ABL2: variants seen among roughly 807,000 people sequenced by gnomAD.
ABL2 encodes ABL proto-oncogene 2, non-receptor tyrosine kinase.
A neutral mutation model predicts 107.7 loss-of-function variants in ABL2; 49 were observed. The observed-to-expected ratio is 0.45, with a 90% CI of 0.36 to 0.58. The LOEUF (loss-of-function observed/expected upper bound fraction) is 0.58, where lower values mean the gene tolerates loss of function less well. Among genes scored for constraint, ABL2 ranks in the 20% least tolerant of loss-of-function variants. The pLI is 0.00. For synonymous variants in ABL2, 549 were observed against 548.6 expected (o/e 1.00, Z -0.01); for missense variants, 1,245 against 1,457.0 (o/e 0.85, Z 2.37).
chr1:179,172,263 T>TA (rs1659765376), intron 1 of ABL2, among the ~76,000 whole-genome samples: 1 of 152,228 alleles, frequency 6.6e-6, no homozygotes, highest in Non-Finnish European at 1.5e-5. Context: ...CACCCTCCTT[T>TA]ACTGATCTCT....
Position 179,114,897 on chromosome 1 carries a change from A to G in ABL2, c.1542T>C (p.Val514=), listed in dbSNP as rs1654471703. 6.2e-7 allele frequency: 1 copy of G among 1,605,768 alleles called. No individual in the cohort carries two copies. Among genetic ancestry groups the G allele is most frequent in the Non-Finnish European group, 8.5e-7 (1 of 1,177,166 alleles). Residue 514 remains valine (V), a synonymous_variant, in exon 9 of 12, where the codon GTT becomes GTC. Transcript: ENST00000502732. The part of the protein sequence containing the change: ...MEQPEGCPPK[V]YELMRACWKW... ...ACTCACATGCTCTCATAAGTTCATAAACCTTAGGGGGGCATCCCTCAGGCT... is the reference window on the plus strand; with the variant it reads ...ACTCACATGCTCTCATAAGTTCATAGACCTTAGGGGGGCATCCCTCAGGCT...
intron 1 of ABL2, among the ~76,000 whole-genome samples, chr1:179,198,615 C>T (rs1244468178): frequency 6.9e-6 from 1 of 144,692 alleles, no homozygotes; most frequent in Admixed American, 7.2e-5. Flanking sequence ...ACTGCTGGAA[C>T]CAGGGGGGCA....
intron 1 of ABL2, among the ~76,000 whole-genome samples, chr1:179,134,037 ATCTT>A (rs1483153250): frequency 7.9e-5 from 12 of 152,250 alleles, no homozygotes; most frequent in African/African-American, 2.9e-4. Flanking sequence ...TTAATACTCT[ATCTT>A]TATCTCTATA....
chr1:179,201,358 C>T (rs980157713), intron 1 of ABL2: 9 of 152,624 alleles, frequency 5.9e-5, no homozygotes, highest in African/African-American at 2.2e-4. Context: ...TTATCAGCTA[C>T]TTATGCCCAA....
rs1445627572 is a variant in ABL2 at position 179,106,352 on chromosome 1, G to C, written c.*1366C>G. 1.3e-5 allele frequency: 3 copies of C among 230,926 alleles called. No individual in the cohort carries two copies. Among genetic ancestry groups the C allele is most frequent in the Non-Finnish European group, 2.6e-5 (3 of 116,770 alleles). 14.3% of individuals were successfully genotyped at this position (230,926 alleles called of 1,614,324 possible). A position where few individuals can be genotyped will look rare whatever the true frequency, so the allele number is the denominator to read the frequency against. Reference sequence around the variant, plus strand: ...ACATATTTAAGGATTAAGTCATTAGGTTCCCAGGGTCTACCTGGTGCTCCC... The same window carrying C: ...ACATATTTAAGGATTAAGTCATTAGCTTCCCAGGGTCTACCTGGTGCTCCC... On this transcript the variant is annotated 3_prime_UTR_variant, in exon 12 of 12. Coordinates refer to ENST00000502732, the MANE Select transcript of ABL2 (RefSeq NM_007314.4).
intron 1 of ABL2, among the ~76,000 whole-genome samples, chr1:179,141,198 G>T (rs1191472616): frequency 6.6e-6 from 1 of 151,954 alleles, no homozygotes; most frequent in Non-Finnish European, 1.5e-5. Flanking sequence ...GGAAGCTGAG[G>T]TAGGATTGTC....
chr1:179,102,494 C>T lies in ABL2; in HGVS notation c.*5224G>A, dbSNP rs1198672501. On this transcript the variant is annotated 3_prime_UTR_variant, in exon 12 of 12. Coordinates refer to ENST00000502732, the MANE Select transcript of ABL2 (RefSeq NM_007314.4). Reference sequence around the variant, plus strand: ...CTTGATACAAGCTAAGACAGAGACACAAACCGCTGAAGCCTATCAATACTT... The same window carrying T: ...CTTGATACAAGCTAAGACAGAGACATAAACCGCTGAAGCCTATCAATACTT... The T allele has an allele frequency of 4.4e-6, 1 of 226,588 alleles. No homozygotes were observed. The highest frequency in any genetic ancestry group is 2.2e-5 in the African/African-American group (1 of 44,954). 14.0% of individuals were successfully genotyped at this position (226,588 alleles called of 1,614,324 possible). A position where few individuals can be genotyped will look rare whatever the true frequency, so the allele number is the denominator to read the frequency against.
chr1:179,156,945 T>C (rs924631056), intron 1 of ABL2, among the ~76,000 whole-genome samples: 2 of 151,888 alleles, frequency 1.3e-5, no homozygotes, highest in African/African-American at 2.4e-5. Context: ...CTCTATTAAA[T>C]TAATTTTTAA....
Position 179,100,592 on chromosome 1 carries a change from C to T in ABL2, c.*7126G>A, listed in dbSNP as rs73049409. On this transcript the variant is annotated 3_prime_UTR_variant, in exon 12 of 12. Transcript: ENST00000502732. ...TGTTTCCTTTCATAAAGCCTGCTAGCATTCGACAGTTTGCCTCCAGCTTTT... is the reference window on the plus strand; with the variant it reads ...TGTTTCCTTTCATAAAGCCTGCTAGTATTCGACAGTTTGCCTCCAGCTTTT... The T allele has an allele frequency of 0.013, 2,923 of 229,366 alleles. 109 individuals carry two copies. Among genetic ancestry groups the T allele is most frequent in the African/African-American group, 0.061 (2,744 of 45,194 alleles). 14.2% of individuals were successfully genotyped at this position (229,366 alleles called of 1,614,324 possible).
At chr1:179,189,142 G>A (rs1660855603) in intron 1 of ABL2, among the ~76,000 whole-genome samples, 1 of 151,996 alleles carries the variant, frequency 6.6e-6, no homozygotes, top group African/African-American at 2.4e-5. Context: ...TGTTGTTATT[G>A]TTGTTGTTTT....
intron 1 of ABL2, among the ~76,000 whole-genome samples, chr1:179,150,625 G>C (rs1158601715): frequency 6.6e-6 from 1 of 152,140 alleles, no homozygotes; most frequent in African/African-American, 2.4e-5. Context: ...ATCTATTCCT[G>C]GTAAAGATGC....
intron 9 of ABL2, among the ~76,000 whole-genome samples, chr1:179,113,939 A>C (rs202016936): frequency 1.3e-5 from 2 of 150,652 alleles, no homozygotes; most frequent in African/African-American, 4.9e-5. Context: ...GTCTCAAAAA[A>C]TAAATAAATA....
At chr1:179,190,988 G>A (rs1660976855) in intron 1 of ABL2, among the ~76,000 whole-genome samples, 1 of 152,140 alleles carries the variant, frequency 6.6e-6, no homozygotes, top group South Asian at 2.1e-4. Context: ...ATAGGAAAAA[G>A]TAGAGGCAGC....
intron 1 of ABL2, among the ~76,000 whole-genome samples, chr1:179,169,270 C>T (rs560107635): frequency 3.4e-4 from 52 of 152,094 alleles, no homozygotes; most frequent in African/African-American, 1.2e-3. Context: ...AGAGACTGGC[C>T]GGGTGCGGTG....
Position 179,120,176 on chromosome 1 carries a change from G to A in ABL2, c.1045+14C>T, listed in dbSNP as rs544332406. 9 of 1,567,254 alleles carry A rather than the reference G, an allele frequency of 5.7e-6. No individual in the cohort carries two copies. The highest frequency in any genetic ancestry group is 1.7e-4 in the Middle Eastern group (1 of 5,928). On this transcript the variant is annotated intron_variant, in intron 6 of 11. Transcript: ENST00000502732. ...TTTTTGGAGGAAATCTATGGTTCAG[G>A]CAAGGTTCCTCACCTAAAAGTTGTA...
chr1:179,214,519 CATATAT>C (rs59744061), intron 1 of ABL2, among the ~76,000 whole-genome samples: 14,055 of 122,074 alleles, frequency 0.12, 822 homozygotes, highest in Middle Eastern at 0.21. Context: ...TTTAAAATGA[CATATAT>C]ATATATATAT....
At chr1:179,208,682 C>T (rs1662110159) in intron 1 of ABL2, among the ~76,000 whole-genome samples, 1 of 152,122 alleles carries the variant, frequency 6.6e-6, no homozygotes. Flanking sequence ...CTCTCTTAGC[C>T]AAATGTCCTT....
intron 1 of ABL2, among the ~76,000 whole-genome samples, chr1:179,213,466 G>A (rs978828163): frequency 6.6e-6 from 1 of 151,854 alleles, no homozygotes; most frequent in African/African-American, 2.4e-5. Context: ...ACCGTGCCCA[G>A]CCTATTTATT....
chr1:179,128,816 T>C (rs911238768), intron 3 of ABL2, among the ~76,000 whole-genome samples: 2 of 152,172 alleles, frequency 1.3e-5, no homozygotes, highest in African/African-American at 2.4e-5. Flanking sequence ...CCCAAGTACC[T>C]GGGTCTACAG....
Sources: allele counts gnomAD v4.1 joint callset (sites outside exome capture counted in the v4.1 genomes callset), GRCh38; gene constraint gnomAD v4.1.1; transcripts MANE v1.5; gene names NCBI Gene and HGNC (gene_info 2026-07-23, HGNC 2026-07-21).